The following HR variants were observed in gnomAD, a reference collection of about 807,000 sequenced individuals.
HR encodes the protein lysine-specific demethylase hairless.
In HR, 83 loss-of-function variants were observed where a neutral mutation model predicts 128.6. That is an observed-to-expected ratio of 0.65 (90% CI 0.54 to 0.77). HR has a LOEUF of 0.77. Among genes scored for constraint, HR ranks in the 30% least tolerant of loss-of-function variants. The pLI, the probability that HR is intolerant of heterozygous loss-of-function variation, is 0.00. For missense variants in HR, 1,490 were observed against 1,574.6 expected, an observed-to-expected ratio of 0.95 and a Z score of 0.91; for synonymous variants, 681 against 658.2, an observed-to-expected ratio of 1.03 and a Z score of -0.53.
Position 22,120,689 on chromosome 8 carries a change from CGGGAGGGGAG to C in HR, c.2610+17_2610+26del. 6.7e-7 allele frequency: 1 copy of C among 1,501,148 alleles called. No individual in the cohort carries two copies. Among genetic ancestry groups the C allele is most frequent in the South Asian group, 1.3e-5 (1 of 79,886 alleles). The allele number at this position is 1,501,148 out of a possible 1,614,324, so 93.0% of individuals were successfully genotyped here. On this transcript the variant is annotated intron_variant, in intron 11 of 18. Transcript: ENST00000381418. ...GAGGGGCAGGTGGGGTGGCCAGGGCCGGGAGGGGAGGGGAGGGGTGCCTCACCTGGCCCTG... is the reference window on the plus strand; with the variant it reads ...GAGGGGCAGGTGGGGTGGCCAGGGCCGGGAGGGGTGCCTCACCTGGCCCTG...
In HR at chr8:22,120,484, T is replaced by A; in HGVS notation, c.2634A>T (p.Gln878His). 6.2e-7 allele frequency: 1 copy of A among 1,613,898 alleles called. No individual in the cohort carries two copies. Among genetic ancestry groups the A allele is most frequent in the Non-Finnish European group, 8.5e-7 (1 of 1,180,000 alleles). The change falls in exon 12 of 19, where the codon CAA becomes CAT. Residue 878 changes from glutamine to histidine, a missense_variant. Physicochemically the swap from Gln to His is conservative, Grantham distance 24. Around this residue, in one of 3 missense-constraint regions of HR, gnomAD observed 423 missense variants for 495.9 expected, o/e 0.85. Transcript: ENST00000381418. The stretch of plus-strand genomic sequence containing the variant: ...CCCACAGGTTGCCCTGCAATGTCCT[T>A]TGGATCCCTGACACCAACACAGGCT... The part of the protein sequence containing the change: ...QGQPVLVSGI[Q>H]RTLQGNLWGT...
chr8:22,125,836 T>G, intron 3 of HR, 104 bp from the exon 4 acceptor site: 2 of 1,330,902 alleles, frequency 1.5e-6, no homozygotes, highest in Non-Finnish European at 2.1e-6. Flanking sequence ...GCCAGCCCAG[T>G]TCCTCGCCCC....
rs1353153304 is a variant in HR at position 22,120,702 on chromosome 8, G to T, written c.2610+14C>A. The T allele has an allele frequency of 6.7e-7, 1 of 1,502,194 alleles. No individual in the cohort carries two copies. The highest frequency in any genetic ancestry group is 8.9e-7 in the Non-Finnish European group (1 of 1,127,826). The allele number at this position is 1,502,194 out of a possible 1,614,324, so 93.1% of individuals were successfully genotyped here. A position where few individuals can be genotyped will look rare whatever the true frequency, so the allele number is the denominator to read the frequency against. On this transcript the variant is annotated intron_variant, in intron 11 of 18. Coordinates refer to ENST00000381418, the MANE Select transcript of HR (RefSeq NM_005144.5). ...GGTGGCCAGGGCCGGGAGGGGAGGG[G>T]AGGGGTGCCTCACCTGGCCCTGCCT...
At chr8:22,129,686 T>TG (rs914078990) in intron 1 of HR, among the ~76,000 whole-genome samples, 2 of 152,216 alleles carry the variant, frequency 1.3e-5, no homozygotes, top group African/African-American at 4.8e-5. Context: ...TCCGTGGTTT[T>TG]GGGGGTGCTG....
chr8:22,115,723 C>T lies in HR; in HGVS notation c.3547G>A (p.Gly1183Arg). 2 of 1,613,982 alleles carry T rather than the reference C, an allele frequency of 1.2e-6. No individual in the cohort carries two copies. Among genetic ancestry groups the T allele is most frequent in the Non-Finnish European group, 1.7e-6 (2 of 1,180,012 alleles). The change falls in exon 19 of 19, where the codon GGG becomes AGG. Residue 1183 changes from glycine (G) to arginine (R), a missense_variant. This residue lies in a region of HR where 423 missense variants were observed against 495.9 expected (regional missense o/e 0.85). Coordinates refer to ENST00000381418, the MANE Select transcript of HR (RefSeq NM_005144.5). ...CTCTATTTGGCCTCCTGTAATGTCC[C>T]CACGGCCACCTTCACTGCTTGGAAC... ...AVFQAVKVAV[G>R]TLQEAK
intron 9 of HR, among the ~76,000 whole-genome samples, 173 bp downstream of exon 9, chr8:22,121,440 G>A (rs1826750453): frequency 6.6e-6 from 1 of 152,112 alleles, no homozygotes; most frequent in Non-Finnish European, 1.5e-5. Context: ...TTCAGAGGGG[G>A]GTCTGGCCAA....
intron 2 of HR, chr8:22,128,348 A>T: frequency 1.5e-6 from 1 of 653,904 alleles, no homozygotes; most frequent in Admixed American, 2.6e-5. Flanking sequence ...GGCTGCAATG[A>T]CCCGAGGGCA....
chr8:22,119,824 C>T lies in HR; in HGVS notation c.2913G>A (p.Leu971=). 6.2e-7 allele frequency: 1 copy of T among 1,613,774 alleles called. No homozygotes were observed. Among genetic ancestry groups the T allele is most frequent in the Non-Finnish European group, 8.5e-7 (1 of 1,179,974 alleles). Residue 971 remains leucine (L), a synonymous_variant, in exon 14 of 19, where the codon CTG becomes CTA. Coordinates refer to ENST00000381418, the MANE Select transcript of HR (RefSeq NM_005144.5). ...EYCALHGKLN[L]ASYLPPGLAL... ...CAAGGCCCGGTGGGAGGTAGGAAGC[C>T]AGGTTGAGTTTTCCATGGAGGGCGC...
In HR at chr8:22,128,956, A is replaced by T. The variant is rs563791122; in HGVS notation, c.215T>A (p.Met72Lys). ...GCCCTCGCCCTCCACAAGTGGGAGC[A>T]TGTCCTTGGGGCCCTGGGGGAAGCC... is the stretch of plus-strand genomic sequence containing the variant. ...PPGFPQGPKDMLPLVEGEGPQ... is the reference protein window; with the variant it reads ...PPGFPQGPKDKLPLVEGEGPQ... The change falls in exon 2 of 19, where the codon ATG becomes AAG. Residue 72 changes from methionine (M) to lysine (K), a missense_variant. By Grantham distance (95) the Met-to-Lys change is moderately conservative. Around this residue, in one of 3 missense-constraint regions of HR, gnomAD observed 1,060 missense variants for 1,060.9 expected, o/e 1.00. Coordinates refer to ENST00000381418, the MANE Select transcript of HR (RefSeq NM_005144.5). 3.1e-6 allele frequency: 5 copies of T among 1,613,298 alleles called. No homozygotes were observed. The highest frequency in any genetic ancestry group is 4.2e-6 in the Non-Finnish European group (5 of 1,180,016).
chr8:22,119,921 C>A (rs753199530), intron 13 of HR, 31 bp from the exon 14 acceptor site: 21 of 1,612,476 alleles, frequency 1.3e-5, no homozygotes, highest in Non-Finnish European at 1.5e-5. Flanking sequence ...GCCCAGCAGG[C>A]CCAACCTGGG....
intron 16 of HR, 59 bp from the exon 17 acceptor site, chr8:22,117,098 G>T: frequency 7.0e-7 from 1 of 1,427,124 alleles, no homozygotes. Context: ...GCTGCAGGAG[G>T]ATGGGGCATG....
At position 22,122,818 on chromosome 8, in the gene HR, C is replaced by A. The variant is rs1276141981; in HGVS notation, c.1977G>T (p.Leu659=). The change falls in exon 7 of 19, where the codon CTG becomes CTT. Residue 659 remains leucine, a synonymous_variant. Coordinates refer to ENST00000381418, the MANE Select transcript of HR (RefSeq NM_005144.5). ...TQEAGHAACS[L]MLTQFVSSQA... ...GGCTGGAGACAAACTGGGTCAGCAT[C>A]AGGGAACAGGCAGCGTGCCCGGCCT... 1 of 1,555,702 alleles carries A rather than the reference C, an allele frequency of 6.4e-7. No homozygotes were observed. The highest frequency in any genetic ancestry group is 1.9e-5 in the Admixed American group (1 of 51,830).
In HR at chr8:22,127,108, C is replaced by A. The variant is rs531421972; in HGVS notation, c.1334G>T (p.Gly445Val). 2.3e-5 allele frequency: 37 copies of A among 1,610,684 alleles called. No individual in the cohort carries two copies. The East Asian group carries it at 8.0e-4, about 35-fold the overall frequency. ...FPGTAEQGAG[G>V]WQEVRDTSIG... ...CGATGTGTCCCGCACCTCCTGCCAA[C>A]CCCCAGCCCCCTGTTCTGCAGTGCC... Residue 445 changes from glycine (G) to valine (V), a missense_variant, in exon 3 of 19, where the codon GGT becomes GTT. Around this residue, in one of 3 missense-constraint regions of HR, gnomAD observed 1,060 missense variants for 1,060.9 expected, o/e 1.00. Coordinates refer to ENST00000381418, the MANE Select transcript of HR (RefSeq NM_005144.5).
intron 5 of HR, 39 bp downstream of exon 5, chr8:22,125,270 CCA>C (rs1179919926): frequency 6.5e-7 from 1 of 1,542,538 alleles, no homozygotes; most frequent in Non-Finnish European, 8.8e-7. Flanking sequence ...CTGGGGCTCC[CCA>C]CACAGAGACC....
At position 22,125,655 on chromosome 8, in the gene HR, C is replaced by T; in HGVS notation, c.1483G>A (p.Ala495Thr). The change falls in exon 4 of 19, where the codon GCT (alanine) becomes ACT (threonine). Residue 495 changes from alanine to threonine, a missense_variant. This residue lies in a region of HR where 1,060 missense variants were observed against 1,060.9 expected (regional missense o/e 1.00). Transcript: ENST00000381418. ...GCCTGGGCACAACTTTGGCATTGAG[C>T]CAGTTTTGCAGGGAGAGCCAGGCAT... ...IPCLALPAKLAQCQSCAQAAG... is the reference protein window; with the variant it reads ...IPCLALPAKLTQCQSCAQAAG... 1 of 1,613,218 alleles carries T rather than the reference C, an allele frequency of 6.2e-7. No homozygotes were observed. Among genetic ancestry groups the T allele is most frequent in the South Asian group, 1.1e-5 (1 of 90,808 alleles).
rs769499014 is a variant in HR, at chr8:22,127,447, G to C, written c.995C>G (p.Pro332Arg). 6.2e-7 allele frequency: 1 copy of C among 1,611,550 alleles called. No homozygotes were observed. ...TQRGCCSSYP[P>R]TKGGGLGPCG... Reference sequence around the variant, plus strand: ...AGGGCCAAGACCCCCACCTTTAGTGGGTGGGTAGGATGAACAGCAGCCCCG... The same window carrying C: ...AGGGCCAAGACCCCCACCTTTAGTGCGTGGGTAGGATGAACAGCAGCCCCG... The change falls in exon 3 of 19, where the codon CCC becomes CGC. Residue 332 changes from proline to arginine, a missense_variant. Physicochemically the swap from Pro to Arg is moderately radical, Grantham distance 103. Transcript: ENST00000381418.
In HR at chr8:22,127,567, T is replaced by C. The variant is rs759421370; in HGVS notation, c.875A>G (p.Asn292Ser). The C allele has an allele frequency of 1.9e-6, 3 of 1,612,788 alleles. No homozygotes were observed. Among genetic ancestry groups the C allele is most frequent in the South Asian group, 2.2e-5 (2 of 91,088 alleles). Residue 292 changes from asparagine (N) to serine (S), a missense_variant, in exon 3 of 19, where the codon AAC becomes AGC. By Grantham distance (46) the Asn-to-Ser change is conservative. Coordinates refer to ENST00000381418, the MANE Select transcript of HR (RefSeq NM_005144.5). ...CCCATCGCCTGGCCCAGCCCAGACGTTGCCAAGAGTATGAACAAGGCCTGG... is the reference window on the plus strand; with the variant it reads ...CCCATCGCCTGGCCCAGCCCAGACGCTGCCAAGAGTATGAACAAGGCCTGG... ...CPPGLVHTLG[N>S]VWAGPGDGNL...
Position 22,120,992 on chromosome 8 carries a change from T to G in HR, c.2368-34A>C, listed in dbSNP as rs367903979. On this transcript the variant is annotated intron_variant, in intron 10 of 18. Coordinates refer to ENST00000381418, the MANE Select transcript of HR (RefSeq NM_005144.5). ...AGGGGCACAGGGGCTTAGGACCCAC[T>G]GGGCCCCACAGGGAGGGCAGGCCCA... is the stretch of plus-strand genomic sequence containing the variant. 337 of 1,610,708 alleles carry G rather than the reference T, an allele frequency of 2.1e-4. 1 individual carries two copies. In the African/African-American group the frequency reaches 4.2e-3, roughly 20 times the overall value.
At chr8:22,121,494 A>T (rs1025488838) in intron 9 of HR, 119 bp downstream of exon 9, 18 of 1,064,640 alleles carry the variant, frequency 1.7e-5, no homozygotes, top group Admixed American at 1.0e-4. Context: ...AGTGGAGATT[A>T]TTGGGGGTGG....
Sources: allele counts gnomAD v4.1 joint callset (sites outside exome capture counted in the v4.1 genomes callset), GRCh38; gene constraint gnomAD v4.1.1; regional missense constraint gnomAD v4.1.1; transcripts MANE v1.5; gene names NCBI Gene and HGNC (gene_info 2026-07-23, HGNC 2026-07-21).